The following CACNA1C variants were observed in gnomAD, a reference collection of about 807,000 sequenced individuals.
The protein encoded by CACNA1C is calcium voltage-gated channel subunit alpha1 C, also known as voltage-dependent L-type calcium channel subunit alpha-1C.
A neutral mutation model predicts 229.0 loss-of-function variants in CACNA1C; 30 were observed. That is an observed-to-expected ratio of 0.13 (90% CI 0.10 to 0.18). The LOEUF (loss-of-function observed/expected upper bound fraction) is 0.18, where lower values mean the gene tolerates loss of function less well. CACNA1C is among the 10% of genes least tolerant of loss of function. The pLI is 1.00. For missense variants in CACNA1C, 1,658 were observed against 2,845.0 expected, an observed-to-expected ratio of 0.58 and a Z score of 9.49; for synonymous variants, 1,114 against 1,132.5, an observed-to-expected ratio of 0.98 and a Z score of 0.33.
At position 2,655,143 on chromosome 12, in the gene CACNA1C, C is replaced by T. The variant is rs745757052; in HGVS notation, c.4141-4C>T. ...ACTGAACACCTCTTCCTTCTCTCTC[C>T]TAGGTGTTTGGGAAAATTGCCCTGA... is the stretch of plus-strand genomic sequence containing the variant. On this transcript the variant is annotated splice_polypyrimidine_tract_variant and splice_region_variant and intron_variant, in intron 33 of 46. Coordinates refer to ENST00000399655, the MANE Select transcript of CACNA1C (RefSeq NM_000719.7). The T allele has an allele frequency of 4.9e-5, 77 of 1,587,490 alleles. No homozygotes were observed. Among genetic ancestry groups the T allele is most frequent in the Non-Finnish European group, 6.5e-5 (75 of 1,156,008 alleles).
Position 2,602,317 on chromosome 12 carries a change from A to G in CACNA1C, c.2960+357A>G, listed in dbSNP as rs578012986. 6.6e-6 allele frequency among the ~76,000 whole-genome samples: 1 copy of G among 151,690 alleles called. No individual in the cohort carries two copies. Among genetic ancestry groups the G allele is most frequent in the Admixed American group, 6.6e-5 (1 of 15,242 alleles). ...CAACCCACAGTCTGCCACTGCCGTG[A>G]CCTCCCCTGACCTGGACCCTCCTTC... On this transcript the variant is annotated intron_variant, in intron 22 of 46. Transcript: ENST00000399655. This position sits in a 1 kb window ranked among gnomAD's most constrained non-coding sequence, Gnocchi z 4.4.
intron 34 of CACNA1C, among the ~76,000 whole-genome samples, chr12:2,656,423 ATAGT>A (rs2095424738): frequency 2.0e-5 from 3 of 152,250 alleles, no homozygotes; most frequent in Admixed American, 1.3e-4. Flanking sequence ...GATAAAAGAA[ATAGT>A]TGGTGACACA....
intron 37 of CACNA1C, 92 bp from the exon 38 acceptor site, chr12:2,668,841 C>A: frequency 2.4e-6 from 2 of 826,948 alleles, no homozygotes; most frequent in Non-Finnish European, 2.1e-6. Context: ...GGCGAGGACA[C>A]AGAGCCAAAC....
At chr12:2,109,514 T>G (rs2080769899) in intron 1 of CACNA1C, among the ~76,000 whole-genome samples, 1 of 152,304 alleles carries the variant, frequency 6.6e-6, no homozygotes, top group Admixed American at 6.5e-5. Flanking sequence ...AGGAGTGCAT[T>G]GGACCGGGCC....
chr12:2,594,983 C>T (rs1360432638), intron 19 of CACNA1C, among the ~76,000 whole-genome samples: 2 of 152,212 alleles, frequency 1.3e-5, no homozygotes, highest in East Asian at 1.9e-4. Flanking sequence ...TCTCTCCATA[C>T]GTAGCCTCAG....
chr12:2,473,093 C>T (rs564314383), intron 5 of CACNA1C, among the ~76,000 whole-genome samples: 1 of 152,214 alleles, frequency 6.6e-6, no homozygotes, highest in South Asian at 2.1e-4. Context: ...CTAGGTCTCT[C>T]CACAATTTCA....
At chr12:1,990,983 A>AT in intron 1 of CACNA1C, 1 of 358,358 alleles carries the variant, frequency 2.8e-6, no homozygotes, top group Non-Finnish European at 5.3e-6. Flanking sequence ...GATAGAAAGG[A>AT]CAAAAAAAAA....
intron 9 of CACNA1C, among the ~76,000 whole-genome samples, chr12:2,525,463 C>T (rs544905866): frequency 3.9e-4 from 59 of 152,206 alleles, no homozygotes; most frequent in African/African-American, 2.7e-4. Context: ...CAGTGCCATG[C>T]CCCTCTGAGG....
chr12:2,586,865 A>G (rs888970697), intron 18 of CACNA1C, among the ~76,000 whole-genome samples: 8 of 152,236 alleles, frequency 5.3e-5, no homozygotes, highest in Non-Finnish European at 1.2e-4. Flanking sequence ...GAGCTTGGAT[A>G]GAAAGAACAG....
intron 1 of CACNA1C, among the ~76,000 whole-genome samples, chr12:2,033,711 A>C (rs915569546): frequency 6.6e-6 from 1 of 152,224 alleles, no homozygotes; most frequent in Non-Finnish European, 1.5e-5. Flanking sequence ...CCCAGGTCAA[A>C]TCTCCAGCAA....
Position 2,605,505 on chromosome 12 carries a change from G to T in CACNA1C, c.3049-174G>T, listed in dbSNP as rs1021092440. ...TGTAGTCACGGAGAGTCCAGTGGGG[G>T]CCTTTGCATCCCATTAGGGTCCATC... is the stretch of plus-strand genomic sequence containing the variant. On this transcript the variant is annotated intron_variant, in intron 23 of 46. Transcript: ENST00000399655. This position sits in a 1 kb window ranked among gnomAD's most constrained non-coding sequence, Gnocchi z 6.2. 6.6e-6 allele frequency among the ~76,000 whole-genome samples: 1 copy of T among 152,136 alleles called. No homozygotes were observed.
At chr12:2,194,991 G>A (rs1433166227) in intron 3 of CACNA1C, among the ~76,000 whole-genome samples, 2 of 152,240 alleles carry the variant, frequency 1.3e-5, no homozygotes, top group Non-Finnish European at 2.9e-5. Context: ...GGATCTGGTA[G>A]AAAGTTTCAA....
rs144967369 is a variant in CACNA1C, at chr12:2,309,080, T to C, written c.478-139896T>C. 2.2e-3 allele frequency among the ~76,000 whole-genome samples: 330 copies of C among 152,332 alleles called. 1 individual carries two copies. The highest frequency in any genetic ancestry group is 7.7e-3 in the African/African-American group (320 of 41,562). On this transcript the variant is annotated intron_variant, in intron 3 of 46. Coordinates refer to ENST00000399655, the MANE Select transcript of CACNA1C (RefSeq NM_000719.7). ...AGCATTATTCACAATAGCCAAGATA[T>C]TGAAACAACCTGAGTGTTAGCTGGC...
intron 30 of CACNA1C, among the ~76,000 whole-genome samples, chr12:2,642,156 T>C (rs1484743446): frequency 3.3e-5 from 5 of 152,206 alleles, no homozygotes; most frequent in African/African-American, 1.2e-4. Flanking sequence ...CAATTTGGGT[T>C]GTTAATTCAG....
rs192316739 is a variant in CACNA1C at position 2,041,431 on chromosome 12, C to T, written c.139+70230C>T. Among the ~76,000 whole-genome samples, 11 of 152,018 alleles carry T rather than the reference C, an allele frequency of 7.2e-5. No homozygotes were observed. In the East Asian group the frequency reaches 1.7e-3, roughly 24 times the overall value. On this transcript the variant is annotated intron_variant, in intron 1 of 46. Coordinates refer to the CACNA1C transcript ENST00000682462. Reference sequence around the variant, plus strand: ...AGCTGGGACTACAGGCGCTTGCCACCGCGTCCGGCTAATTTTTTGTATTTT... The same window carrying T: ...AGCTGGGACTACAGGCGCTTGCCACTGCGTCCGGCTAATTTTTTGTATTTT...
At chr12:2,530,001 T>C (rs1016968888) in intron 9 of CACNA1C, among the ~76,000 whole-genome samples, 2 of 152,256 alleles carry the variant, frequency 1.3e-5, no homozygotes, top group Non-Finnish European at 2.9e-5. Context: ...CATTATGTGG[T>C]CTTCAGCACA....
intron 3 of CACNA1C, among the ~76,000 whole-genome samples, chr12:2,204,799 T>TGGGGGAG: frequency 2.4e-5 from 1 of 41,310 alleles, no homozygotes; most frequent in East Asian, 7.8e-4. Context: ...GTGGTGGGGT[T>TGGGGGAG]GGGGGAGGGG....
chr12:2,011,524 G>A (rs1028233887), intron 1 of CACNA1C: 2 of 152,232 alleles, frequency 1.3e-5, no homozygotes, highest in Non-Finnish European at 2.9e-5. Flanking sequence ...ACTTCTCTGT[G>A]TAATAAAGAG....
chr12:2,324,294 G>A, intron 3 of CACNA1C, among the ~76,000 whole-genome samples: 1 of 152,196 alleles, frequency 6.6e-6, no homozygotes, highest in Non-Finnish European at 1.5e-5. Flanking sequence ...ACTTAGAGGG[G>A]CCTGACAAGT....
Sources: gnomAD v4.1 joint callset for allele counts (sites outside exome capture counted in the v4.1 genomes callset) on GRCh38, gnomAD v4.1.1 for gene constraint, Gnocchi (gnomAD v3.1) non-coding constraint, MANE v1.5 for transcripts, NCBI Gene and HGNC (gene_info 2026-07-23, HGNC 2026-07-21) for gene names.